ZFHX3: variants seen among roughly 807,000 people sequenced by gnomAD.
ZFHX3 encodes zinc finger homeobox protein 3.
ZFHX3 carries 42 observed loss-of-function variants against 279.1 expected under a neutral mutation model. The observed-to-expected ratio is 0.15, with a 90% CI of 0.12 to 0.19. ZFHX3 has a LOEUF of 0.19. Among genes scored for constraint, ZFHX3 ranks in the 10% least tolerant of loss-of-function variants. The probability of loss-of-function intolerance (pLI) is 1.00; values close to 1 mark genes in which losing one functional copy is unlikely to be tolerated. For missense variants in ZFHX3, 4,981 were observed against 4,754.0 expected, an observed-to-expected ratio of 1.05 and a Z score of -1.40; for synonymous variants, 2,293 against 1,957.8, an observed-to-expected ratio of 1.17 and a Z score of -4.52.
upstream of ZFHX3, among the ~76,000 whole-genome samples, chr16:73,049,500 G>A (rs1965410750): frequency 6.6e-6 from 1 of 152,246 alleles, no homozygotes. Context: ...CACAATGTAA[G>A]TTGGGTTCAG....
intron 1 of ZFHX3, among the ~76,000 whole-genome samples, chr16:73,816,564 C>G (rs1333046179): frequency 2.0e-5 from 3 of 152,144 alleles, no homozygotes; most frequent in Admixed American, 2.0e-4. Flanking sequence ...TATTTACTAT[C>G]TGGCCTTGTA....
chr16:73,375,753 C>A (rs927866687), intron 3 of ZFHX3, among the ~76,000 whole-genome samples: 1 of 152,144 alleles, frequency 6.6e-6, no homozygotes, highest in African/African-American at 2.4e-5. Flanking sequence ...ACACTAGACA[C>A]CCAATAGTCC....
At chr16:73,838,325 A>C (rs1489253566) in intron 1 of ZFHX3, among the ~76,000 whole-genome samples, 1 of 152,222 alleles carries the variant, frequency 6.6e-6, no homozygotes, top group Non-Finnish European at 1.5e-5. Context: ...GGCAAGTAAA[A>C]TATTTTTATA....
chr16:73,273,026 T>G (rs904133163), intron 4 of ZFHX3, among the ~76,000 whole-genome samples: 1 of 152,116 alleles, frequency 6.6e-6, no homozygotes, highest in African/African-American at 2.4e-5. Context: ...AGATAACATG[T>G]GTGAGCCACC....
At chr16:73,686,715 C>T (rs925518151) in intron 1 of ZFHX3, among the ~76,000 whole-genome samples, 2 of 152,056 alleles carry the variant, frequency 1.3e-5, no homozygotes, top group African/African-American at 4.8e-5. Flanking sequence ...ATTGTACTAA[C>T]TATAAAAGCA....
At chr16:73,559,025 T>A (rs1199110160) in intron 2 of ZFHX3, among the ~76,000 whole-genome samples, 1 of 151,582 alleles carries the variant, frequency 6.6e-6, no homozygotes, top group Non-Finnish European at 1.5e-5. Context: ...CCTTCTCTGC[T>A]CCTTAAGCAC....
chr16:72,793,991 C>G lies in ZFHX3; in HGVS notation c.8691G>C (p.Pro2897=). 2 of 1,614,198 alleles carry G rather than the reference C, an allele frequency of 1.2e-6. No individual in the cohort carries two copies. Among genetic ancestry groups the G allele is most frequent in the Non-Finnish European group, 1.7e-6 (2 of 1,180,034 alleles). The part of the protein sequence containing the change: ...EDRLSSGLVS[P]APSFYSKEYD... Reference sequence around the variant, plus strand: ...ATTCCTTGCTATAAAAGCTCGGGGCCGGGCTGACCAGACCAGATGACAACC... The same window carrying G: ...ATTCCTTGCTATAAAAGCTCGGGGCGGGGCTGACCAGACCAGATGACAACC... Residue 2897 remains proline (P), a synonymous_variant, in exon 9 of 10, where the codon CCG becomes CCC. Coordinates refer to ENST00000268489, the MANE Select transcript of ZFHX3 (RefSeq NM_006885.4). This position sits in a 1 kb window ranked among gnomAD's most constrained non-coding sequence, Gnocchi z 4.3.
At chr16:72,909,121 C>T (rs2039257042) in intron 3 of ZFHX3, among the ~76,000 whole-genome samples, 1 of 152,174 alleles carries the variant, frequency 6.6e-6, no homozygotes. Context: ...ACCGAGCTGA[C>T]AACAATTGCA....
At chr16:73,206,846 C>G (rs537362677) in intron 5 of ZFHX3, among the ~76,000 whole-genome samples, 1 of 151,790 alleles carries the variant, frequency 6.6e-6, no homozygotes, top group Non-Finnish European at 1.5e-5. Flanking sequence ...GGTGAAACCC[C>G]ATTTCTAATA....
intron 1 of ZFHX3, among the ~76,000 whole-genome samples, chr16:73,820,389 C>G (rs999998514): frequency 6.6e-6 from 1 of 152,178 alleles, no homozygotes; most frequent in African/African-American, 2.4e-5. Context: ...TAACTCTTAA[C>G]TGGCTGGTGG....
At chr16:73,410,006 G>T (rs1296632425) in intron 3 of ZFHX3, among the ~76,000 whole-genome samples, 2 of 152,136 alleles carry the variant, frequency 1.3e-5, no homozygotes, top group Non-Finnish European at 2.9e-5. Flanking sequence ...GGGTGCAGGT[G>T]GGAAGTGGGG....
chr16:73,673,046 T>C (rs1420072541), intron 2 of ZFHX3, among the ~76,000 whole-genome samples: 2 of 152,210 alleles, frequency 1.3e-5, no homozygotes, highest in African/African-American at 2.4e-5. Flanking sequence ...CCCATCAGTC[T>C]ACATTTGGTG....
chr16:73,600,062 G>A (rs903439610), intron 2 of ZFHX3, among the ~76,000 whole-genome samples: 3 of 152,134 alleles, frequency 2.0e-5, no homozygotes, highest in Non-Finnish European at 4.4e-5. Context: ...ATTTGTACAT[G>A]GCACCATGCC....
intron 5 of ZFHX3, among the ~76,000 whole-genome samples, chr16:73,211,847 G>T (rs923770057): frequency 3.9e-5 from 6 of 152,014 alleles, no homozygotes; most frequent in Non-Finnish European, 4.4e-5. Flanking sequence ...GGCAGGGAGG[G>T]GGGTGGCAAG....
intron 5 of ZFHX3, among the ~76,000 whole-genome samples, chr16:73,253,824 C>T (rs2144959976): frequency 6.6e-6 from 1 of 152,188 alleles, no homozygotes; most frequent in South Asian, 2.1e-4. Flanking sequence ...GAGTGGATGT[C>T]ACTCTGGTTT....
intron 3 of ZFHX3, chr16:73,421,099 T>C (rs906240223): frequency 1.4e-4 from 21 of 152,228 alleles, no homozygotes; most frequent in African/African-American, 4.6e-4. Context: ...ACATGCCAGT[T>C]GATACCACAG....
At chr16:73,194,465 G>C (rs1247164089) in intron 5 of ZFHX3, among the ~76,000 whole-genome samples, 1 of 152,156 alleles carries the variant, frequency 6.6e-6, no homozygotes, top group Non-Finnish European at 1.5e-5. Context: ...CTCCCAAAGT[G>C]CTGGGATTAC....
At chr16:73,453,072 T>C (rs1305727462) in intron 3 of ZFHX3, among the ~76,000 whole-genome samples, 1 of 141,690 alleles carries the variant, frequency 7.1e-6, no homozygotes, top group Non-Finnish European at 1.5e-5. Flanking sequence ...AATGTGTGTC[T>C]TTCATGCTAA....
chr16:73,847,878 C>T (rs9930587), intron 1 of ZFHX3, among the ~76,000 whole-genome samples: 5 of 143,186 alleles, frequency 3.5e-5, no homozygotes, highest in East Asian at 2.1e-4. Context: ...GCTGGGAGTA[C>T]GGGCACGTGC....
Sources: allele counts gnomAD v4.1 joint callset (sites outside exome capture counted in the v4.1 genomes callset), GRCh38; gene constraint gnomAD v4.1.1; non-coding constraint Gnocchi (gnomAD v3.1); transcripts MANE v1.5; gene names NCBI Gene and HGNC (gene_info 2026-07-23, HGNC 2026-07-21).